The following LONP2 variants were observed in gnomAD, a reference collection of about 807,000 sequenced individuals.
The protein encoded by LONP2 is lon protease homolog 2, peroxisomal.
Under a neutral mutation model 85.6 loss-of-function variants are expected in LONP2, and 60 were observed. That is an observed-to-expected ratio of 0.70 (90% confidence interval 0.57 to 0.87). The LOEUF is 0.87. LONP2 is among the 40% of genes least tolerant of loss of function. The pLI is 0.00. For synonymous variants in LONP2, 395 were observed against 389.7 expected (o/e 1.01, Z -0.16); for missense variants, 860 against 1,063.5 (o/e 0.81, Z 2.66).
At chr16:48,279,796 A>G (rs1455930561) in intron 8 of LONP2, among the ~76,000 whole-genome samples, 3 of 152,164 alleles carry the variant, frequency 2.0e-5, no homozygotes, top group Admixed American at 6.6e-5. Context: ...AATTGAGGAA[A>G]ACTTACTTTG....
chr16:48,247,351 G>C (rs1267506549), intron 1 of LONP2: 1 of 152,532 alleles, frequency 6.6e-6, no homozygotes. Flanking sequence ...CCAGAAGAGG[G>C]GCTCTGTTCC....
chr16:48,298,961 A>G (rs1972738946), intron 9 of LONP2, among the ~76,000 whole-genome samples: 1 of 151,234 alleles, frequency 6.6e-6, no homozygotes, highest in Non-Finnish European at 1.5e-5. Flanking sequence ...TGCAATCTCA[A>G]CTCATTGCAA....
rs143753628 is a variant in LONP2, at chr16:48,250,214, G to A, written c.234-1917G>A. ...AAAAAACAAACAAAAAAACCACAGT[G>A]GCTCACACCTGTAATCCCAGCACTT... On this transcript the variant is annotated intron_variant, in intron 1 of 14. Transcript: ENST00000285737. Among the ~76,000 whole-genome samples the A allele has an allele frequency of 1.8e-3, 277 of 151,978 alleles. 1 individual carries two copies. The highest frequency in any genetic ancestry group is 6.4e-3 in the African/African-American group (264 of 41,480).
intron 7 of LONP2, among the ~76,000 whole-genome samples, chr16:48,272,975 CACA>C (rs2150979147): frequency 6.6e-6 from 1 of 152,274 alleles, no homozygotes; most frequent in East Asian, 1.9e-4. Context: ...ACAATTCCAG[CACA>C]ACCATGGGTG....
At chr16:48,337,224 C>A (rs1010289891) in intron 12 of LONP2, among the ~76,000 whole-genome samples, 3 of 152,200 alleles carry the variant, frequency 2.0e-5, no homozygotes, top group Non-Finnish European at 4.4e-5. Flanking sequence ...CCCTGTCAGG[C>A]CAAAATAATT....
At chr16:48,298,640 T>G (rs1044428463) in intron 9 of LONP2, among the ~76,000 whole-genome samples, 9 of 148,474 alleles carry the variant, frequency 6.1e-5, no homozygotes, top group Non-Finnish European at 1.0e-4. Context: ...TGTGTGTGTG[T>G]GTGTGTGTGT....
intron 11 of LONP2, among the ~76,000 whole-genome samples, chr16:48,316,152 C>T (rs1042710660): frequency 4.6e-5 from 7 of 151,616 alleles, no homozygotes; most frequent in African/African-American, 1.7e-4. Flanking sequence ...GGATTACAGG[C>T]GTGTACCACC....
At chr16:48,332,479 A>G (rs948280946) in intron 11 of LONP2, among the ~76,000 whole-genome samples, 2 of 152,124 alleles carry the variant, frequency 1.3e-5, no homozygotes, top group African/African-American at 4.8e-5. Context: ...TGGGAGGCTG[A>G]GGTGGGCGGA....
intron 1 of LONP2, 34 bp from the exon 2 acceptor site, chr16:48,252,097 T>C (rs776867487): frequency 6.8e-7 from 1 of 1,465,932 alleles, no homozygotes; most frequent in Non-Finnish European, 9.2e-7. Flanking sequence ...CCGTATTGAA[T>C]GTTTGTAATA....
Position 48,244,468 on chromosome 16 carries a change from C to G in LONP2, c.80C>G (p.Ser27Cys). ...CACGAGGGCGTCCTGCTGCCCGGCT[C>G]CACCATGCGCACCAGCGTGGACTCG... is the stretch of plus-strand genomic sequence containing the variant. ...LTHEGVLLPG[S>C]TMRTSVDSAR... is the part of the protein sequence containing the mutation. The change falls in exon 1 of 15, where the codon TCC becomes TGC. Residue 27 changes from serine to cysteine, a missense_variant. Ser to Cys is a moderately radical substitution (Grantham distance 112). Coordinates refer to ENST00000285737, the MANE Select transcript of LONP2 (RefSeq NM_031490.5). The G allele has an allele frequency of 1.9e-6, 3 of 1,597,408 alleles. No homozygotes were observed. The highest frequency in any genetic ancestry group is 1.1e-5 in the South Asian group (1 of 89,276).
chr16:48,280,699 A>G (rs1186871894), intron 8 of LONP2, among the ~76,000 whole-genome samples: 1 of 152,150 alleles, frequency 6.6e-6, no homozygotes, highest in Non-Finnish European at 1.5e-5. Flanking sequence ...TAAATGCTAT[A>G]AAATGAAGCA....
chr16:48,360,889 G>T (rs902638758), downstream of LONP2: 3 of 151,990 alleles, frequency 2.0e-5, no homozygotes, highest in Non-Finnish European at 4.4e-5. Context: ...TTACTTTCTG[G>T]AACTCATGGC....
intron 11 of LONP2, among the ~76,000 whole-genome samples, chr16:48,319,668 G>C (rs761282590): frequency 2.0e-5 from 3 of 152,094 alleles, no homozygotes; most frequent in Admixed American, 6.5e-5. Flanking sequence ...TCTCCCAGAG[G>C]GAATGATGTG....
chr16:48,273,713 T>C (rs1972150166), intron 7 of LONP2, among the ~76,000 whole-genome samples: 1 of 152,160 alleles, frequency 6.6e-6, no homozygotes, highest in South Asian at 2.1e-4. Flanking sequence ...TCTTTTAAGA[T>C]GAAGTTTTAT....
intron 3 of LONP2, among the ~76,000 whole-genome samples, chr16:48,258,306 C>T (rs1971804168): frequency 1.3e-5 from 2 of 149,650 alleles, no homozygotes; most frequent in African/African-American, 4.9e-5. Context: ...AAGATCTCGC[C>T]ACTGCACTCC....
chr16:48,357,531 AC>A (rs1158604173), downstream of LONP2, among the ~76,000 whole-genome samples: 1 of 152,172 alleles, frequency 6.6e-6, no homozygotes, highest in Non-Finnish European at 1.5e-5. Flanking sequence ...TAGTTCACAC[AC>A]ACTATTCACC....
intron 11 of LONP2, among the ~76,000 whole-genome samples, chr16:48,327,880 G>C (rs910509784): frequency 5.3e-5 from 8 of 152,146 alleles, no homozygotes; most frequent in African/African-American, 1.9e-4. Flanking sequence ...TTCAGTCTTT[G>C]TATCTTTTTC....
At chr16:48,254,652 C>A (rs907304965) in intron 2 of LONP2, among the ~76,000 whole-genome samples, 1 of 152,174 alleles carries the variant, frequency 6.6e-6, no homozygotes, top group Admixed American at 6.5e-5. Context: ...AAAATTGAAT[C>A]TATGCTTTCC....
At chr16:48,286,671 A>G (rs1972450487) in intron 8 of LONP2, among the ~76,000 whole-genome samples, 1 of 151,180 alleles carries the variant, frequency 6.6e-6, no homozygotes, top group African/African-American at 2.4e-5. Context: ...TGCCTGGCCA[A>G]TTTTTTGTAG....
Sources: allele counts gnomAD v4.1 joint callset (sites outside exome capture counted in the v4.1 genomes callset), GRCh38; gene constraint gnomAD v4.1.1; transcripts MANE v1.5; gene names NCBI Gene and HGNC (gene_info 2026-07-23, HGNC 2026-07-21).